KCNA2: variants seen among roughly 807,000 people sequenced by gnomAD.
KCNA2 encodes potassium voltage-gated channel subfamily A member 2.
A neutral mutation model predicts 33.4 loss-of-function variants in KCNA2; 11 were observed. The ratio of observed to expected loss-of-function variants is 0.33; its 90% CI spans 0.21 to 0.55. The LOEUF is 0.55. Among genes scored for constraint, KCNA2 ranks in the 20% least tolerant of loss-of-function variants. The pLI, the probability that KCNA2 is intolerant of heterozygous loss-of-function variation, is 0.93. For synonymous variants in KCNA2, 222 were observed against 231.3 expected (o/e 0.96, Z 0.37); for missense variants, 291 against 621.6 (o/e 0.47, Z 5.66).
At chr1:110,609,980 A>G (rs563570440), upstream of KCNA2, among the ~76,000 whole-genome samples, 9 of 152,370 alleles carry the variant, frequency 5.9e-5, no homozygotes, top group African/African-American at 1.9e-4. Flanking sequence ...AATTAGCTAT[A>G]AAGAATGGAC....
Position 110,595,535 on chromosome 1 carries a change from C to T in KCNA2, c.*7748G>A, listed in dbSNP as rs144981206. 4.1e-5 allele frequency: 40 copies of T among 985,466 alleles called. No individual in the cohort carries two copies. The highest frequency in any genetic ancestry group is 4.6e-5 in the Non-Finnish European group (38 of 829,972). 61.0% of individuals were successfully genotyped at this position (985,466 alleles called of 1,614,324 possible). A position where few individuals can be genotyped will look rare whatever the true frequency, so the allele number is the denominator to read the frequency against. Reference sequence around the variant, plus strand: ...TACAGTGAAAAATCCCTCCCACTCCCATCTAGGTAGAAAGCAACAGTCAAA... The same window carrying T: ...TACAGTGAAAAATCCCTCCCACTCCTATCTAGGTAGAAAGCAACAGTCAAA... On this transcript the variant is annotated 3_prime_UTR_variant, in exon 3 of 3. Coordinates refer to ENST00000316361, the MANE Select transcript of KCNA2 (RefSeq NM_004974.4).
chr1:110,608,989 A>T (rs1300923460), upstream of KCNA2, among the ~76,000 whole-genome samples: 2 of 152,034 alleles, frequency 1.3e-5, no homozygotes, highest in African/African-American at 4.8e-5. Context: ...GCTCCCAATC[A>T]CCAGGTCCTT....
chr1:110,631,094 C>T (rs796390115), intron 1 of KCNA2, among the ~76,000 whole-genome samples: 9 of 152,296 alleles, frequency 5.9e-5, no homozygotes, highest in African/African-American at 2.2e-4. Flanking sequence ...CAGACCCCAT[C>T]CCCTCACCCT....
chr1:110,601,130 T>G lies in KCNA2; in HGVS notation c.*2153A>C, dbSNP rs1055084355. ...TCTACTTCTTCTGGGGGGTGGGAAA[T>G]GATTCTTTACCCATCCTTTGGTTCT... is the stretch of plus-strand genomic sequence containing the variant. On this transcript the variant is annotated 3_prime_UTR_variant, in exon 3 of 3. Transcript: ENST00000316361. 1 of 985,380 alleles carries G rather than the reference T, an allele frequency of 1.0e-6. No individual in the cohort carries two copies. The highest frequency in any genetic ancestry group is 1.2e-6 in the Non-Finnish European group (1 of 829,928). The allele number at this position is 985,380 out of a possible 1,614,324, so 61.0% of individuals were successfully genotyped here.
rs1451402050 is a variant in KCNA2, at chr1:110,594,521, C to T, written c.*8762G>A. ...TTAATCGCAACTGTTCCAAGATTAT[C>T]CTTAGTGGAGAGAGGGGTGCAGGGA... On this transcript the variant is annotated 3_prime_UTR_variant, in exon 3 of 3. Coordinates refer to ENST00000316361, the MANE Select transcript of KCNA2 (RefSeq NM_004974.4). The T allele has an allele frequency of 1.0e-6, 1 of 985,180 alleles. No homozygotes were observed. Among genetic ancestry groups the T allele is most frequent in the Non-Finnish European group, 1.2e-6 (1 of 829,930 alleles). 61.0% of individuals were successfully genotyped at this position (985,180 alleles called of 1,614,324 possible).
At chr1:110,624,201 T>C (rs1650334114) in intron 1 of KCNA2, among the ~76,000 whole-genome samples, 1 of 152,244 alleles carries the variant, frequency 6.6e-6, no homozygotes, top group Non-Finnish European at 1.5e-5. Context: ...AGAATACTTA[T>C]AGCAGGAATA....
chr1:110,611,546 T>C (rs561260954), intron 1 of KCNA2, among the ~76,000 whole-genome samples: 1 of 152,212 alleles, frequency 6.6e-6, no homozygotes, highest in South Asian at 2.1e-4. Flanking sequence ...CTAGGCAACA[T>C]AAGGCTCCAC....
chr1:110,603,216 C>T lies in KCNA2; in HGVS notation c.*67G>A. On this transcript the variant is annotated 3_prime_UTR_variant, in exon 3 of 3. Transcript: ENST00000316361. This position sits in a 1 kb window ranked among gnomAD's most constrained non-coding sequence, Gnocchi z 5.7. ...TACACACTGTAGAACACACTGACTA[C>T]AATGCAGGCTATTATGCAACATCTG... 6.5e-7 allele frequency: 1 copy of T among 1,539,524 alleles called. No individual in the cohort carries two copies. The highest frequency in any genetic ancestry group is 1.4e-5 in the African/African-American group (1 of 72,604).
In KCNA2 at chr1:110,603,380, C is replaced by T; in HGVS notation, c.1403G>A (p.Ser468Asn). Residue 468 changes from serine to asparagine, a missense_variant, in exon 3 of 3, where the codon AGT becomes AAT. Ser to Asn is a conservative substitution (Grantham distance 46). Around this residue, in one of 5 missense-constraint regions of KCNA2, gnomAD observed 65 missense variants for 95.1 expected, o/e 0.68. Coordinates refer to ENST00000316361, the MANE Select transcript of KCNA2 (RefSeq NM_004974.4). This position sits in a 1 kb window ranked among gnomAD's most constrained non-coding sequence, Gnocchi z 5.7. ...YMEIQEGVNN[S>N]NEDFREENLK... The stretch of plus-strand genomic sequence containing the variant: ...GTTTTCCTCTCTAAAGTCCTCATTA[C>T]TGTTATTTACACCCTCCTGGATCTC... 2 of 1,614,206 alleles carry T rather than the reference C, an allele frequency of 1.2e-6. No homozygotes were observed. Among genetic ancestry groups the T allele is most frequent in the Non-Finnish European group, 1.7e-6 (2 of 1,180,024 alleles).
intron 1 of KCNA2, among the ~76,000 whole-genome samples, chr1:110,622,959 A>T (rs1650297806): frequency 6.6e-6 from 1 of 152,220 alleles, no homozygotes; most frequent in East Asian, 1.9e-4. Flanking sequence ...AGAATTTTTA[A>T]CAGAAATTGA....
At position 110,597,333 on chromosome 1, in the gene KCNA2, G is replaced by C; in HGVS notation, c.*5950C>G. The C allele has an allele frequency of 1.0e-6, 1 of 985,020 alleles. No individual in the cohort carries two copies. Among genetic ancestry groups the C allele is most frequent in the Admixed American group, 6.1e-5 (1 of 16,278 alleles). The allele number at this position is 985,020 out of a possible 1,614,324, so 61.0% of individuals were successfully genotyped here. On this transcript the variant is annotated 3_prime_UTR_variant, in exon 3 of 3. Coordinates refer to ENST00000316361, the MANE Select transcript of KCNA2 (RefSeq NM_004974.4). ...TCAGGATGCTTTATTCTTATCTATTGGGAAGTGCTTTCGTGTAGGCTTCCA... is the reference window on the plus strand; with the variant it reads ...TCAGGATGCTTTATTCTTATCTATTCGGAAGTGCTTTCGTGTAGGCTTCCA...
Position 110,599,744 on chromosome 1 carries a change from C to T in KCNA2, c.*3539G>A. ...GATCCTGCAGTTTCTTGAGCCATTA[C>T]TGCTTTTAAGAGAATAGGGCTGAAT... On this transcript the variant is annotated 3_prime_UTR_variant, in exon 3 of 3. Transcript: ENST00000316361. 2.0e-6 allele frequency: 2 copies of T among 985,426 alleles called. No individual in the cohort carries two copies. The highest frequency in any genetic ancestry group is 9.4e-5 in the South Asian group (2 of 21,278). The allele number at this position is 985,426 out of a possible 1,614,324, so 61.0% of individuals were successfully genotyped here.
At chr1:110,609,040 T>C (rs181911565), upstream of KCNA2, among the ~76,000 whole-genome samples, 8 of 152,238 alleles carry the variant, frequency 5.3e-5, no homozygotes, top group Non-Finnish European at 7.4e-5. Context: ...CCCCGCCCTT[T>C]ACTTTCCTTG....
Position 110,597,788 on chromosome 1 carries a change from C to G in KCNA2, c.*5495G>C, listed in dbSNP as rs964518543. The G allele has an allele frequency of 1.6e-5, 16 of 985,060 alleles. No homozygotes were observed. The highest frequency in any genetic ancestry group is 1.8e-5 in the Non-Finnish European group (15 of 829,754). 61.0% of individuals were successfully genotyped at this position (985,060 alleles called of 1,614,324 possible). On this transcript the variant is annotated 3_prime_UTR_variant, in exon 3 of 3. Transcript: ENST00000316361. Reference sequence around the variant, plus strand: ...GAGCTATTGCTAAAGAAAACAGTCACTATTTATTTTATTGCACTTTTCCTC... The same window carrying G: ...GAGCTATTGCTAAAGAAAACAGTCAGTATTTATTTTATTGCACTTTTCCTC...
At chr1:110,606,754 GGCT>G (rs1204919386), upstream of KCNA2, 2 of 152,272 alleles carry the variant, frequency 1.3e-5, no homozygotes, top group East Asian at 3.9e-4. Context: ...GCCTGCGCCA[GGCT>G]GCCGCCCCAG....
rs190692353 is a variant in KCNA2, at chr1:110,597,227, G to A, written c.*6056C>T. ...TCCAGGCCACATTCCCTCAGCATCC[G>A]TCTCCCTGGGGAAGGGAGAAGGGGA... On this transcript the variant is annotated 3_prime_UTR_variant, in exon 3 of 3. Coordinates refer to ENST00000316361, the MANE Select transcript of KCNA2 (RefSeq NM_004974.4). 4.1e-6 allele frequency: 4 copies of A among 985,286 alleles called. No homozygotes were observed. The highest frequency in any genetic ancestry group is 1.1e-4 in the East Asian group (1 of 8,828). The allele number at this position is 985,286 out of a possible 1,614,324, so 61.0% of individuals were successfully genotyped here. A position where few individuals can be genotyped will look rare whatever the true frequency, so the allele number is the denominator to read the frequency against.
chr1:110,605,160 A>G (rs948313589), intron 2 of KCNA2, among the ~76,000 whole-genome samples: 3 of 152,190 alleles, frequency 2.0e-5, no homozygotes, highest in Admixed American at 6.5e-5. Context: ...AATGCCCTGC[A>G]TTGGGGGAAG....
At chr1:110,616,558 C>T (rs1039402842) in intron 1 of KCNA2, among the ~76,000 whole-genome samples, 11 of 152,320 alleles carry the variant, frequency 7.2e-5, no homozygotes, top group African/African-American at 2.6e-4. Context: ...AAGGAAAAAA[C>T]AACAGAGCCT....
In KCNA2 at chr1:110,604,903, G is replaced by A; in HGVS notation, c.-121C>T. ...CATTGGCCTGGTCTCCTGCAGGAGA[G>A]CCCCGAGAGCTCTCTGAGAGCTGGA... On this transcript the variant is annotated 5_prime_UTR_variant, in exon 3 of 3. Transcript: ENST00000316361. The surrounding 1 kb of genome is among the most constrained non-coding windows in gnomAD (Gnocchi z 7.6). 2.2e-6 allele frequency: 2 copies of A among 890,906 alleles called. No individual in the cohort carries two copies. Among genetic ancestry groups the A allele is most frequent in the Non-Finnish European group, 3.5e-6 (2 of 570,584 alleles). 55.2% of individuals were successfully genotyped at this position (890,906 alleles called of 1,614,324 possible). A position where few individuals can be genotyped will look rare whatever the true frequency, so the allele number is the denominator to read the frequency against.
Sources: gnomAD v4.1 joint callset for allele counts (sites outside exome capture counted in the v4.1 genomes callset) on GRCh38, gnomAD v4.1.1 for gene constraint, gnomAD v4.1.1 regional missense constraint, Gnocchi (gnomAD v3.1) non-coding constraint, MANE v1.5 for transcripts, NCBI Gene and HGNC (gene_info 2026-07-23, HGNC 2026-07-21) for gene names.